Variants in TFEB observed in about 807,000 individuals in gnomAD.
TFEB encodes transcription factor EB, also known as T-cell transcription factor EB.
TFEB carries 12 observed loss-of-function variants against 48.0 expected under a neutral mutation model. The ratio of observed to expected loss-of-function variants is 0.25; its 90% CI spans 0.16 to 0.40. The LOEUF (loss-of-function observed/expected upper bound fraction) is 0.40, where lower values mean the gene tolerates loss of function less well. Among genes scored for constraint, TFEB ranks in the 10% least tolerant of loss-of-function variants. The pLI, the probability that TFEB is intolerant of heterozygous loss-of-function variation, is 1.00. For synonymous variants in TFEB, 244 were observed against 261.4 expected (o/e 0.93, Z 0.64); for missense variants, 509 against 640.3 (o/e 0.79, Z 2.21).
Position 41,691,975 on chromosome 6 carries a change from G to A in TFEB, c.-22-740C>T, listed in dbSNP as rs1353779427. On this transcript the variant is annotated intron_variant, in intron 1 of 8. Transcript: ENST00000373033. This position sits in a 1 kb window ranked among gnomAD's most constrained non-coding sequence, Gnocchi z 5.2. ...GACCTTTGCACTTGCTGTTCCCTCTGCCTGGAATGCTCTCCCCCCAGATGA... is the reference window on the plus strand; with the variant it reads ...GACCTTTGCACTTGCTGTTCCCTCTACCTGGAATGCTCTCCCCCCAGATGA... 1.3e-5 allele frequency among the ~76,000 whole-genome samples: 2 copies of A among 151,938 alleles called. No individual in the cohort carries two copies. Among genetic ancestry groups the A allele is most frequent in the Non-Finnish European group, 2.9e-5 (2 of 67,984 alleles).
At position 41,724,154 on chromosome 6, in the gene TFEB, G is replaced by A. The variant is rs1409502329; in HGVS notation, c.-23+11196C>T. Among the ~76,000 whole-genome samples, 1 of 152,194 alleles carries A rather than the reference G, an allele frequency of 6.6e-6. No homozygotes were observed. Among genetic ancestry groups the A allele is most frequent in the African/African-American group, 2.4e-5 (1 of 41,448 alleles). On this transcript the variant is annotated intron_variant, in intron 1 of 8. Coordinates refer to ENST00000373033, the MANE Select transcript of TFEB (RefSeq NM_001271944.2). This position sits in a 1 kb window ranked among gnomAD's most constrained non-coding sequence, Gnocchi z 4.4. ...CACACTTTTCACTTGTGCAGAAACTGTTCTTGATACACATGCAAGTTCAGT... is the reference window on the plus strand; with the variant it reads ...CACACTTTTCACTTGTGCAGAAACTATTCTTGATACACATGCAAGTTCAGT...
intron 1 of TFEB, among the ~76,000 whole-genome samples, chr6:41,708,388 A>C (rs1303579432): frequency 6.6e-6 from 1 of 152,196 alleles, no homozygotes; most frequent in East Asian, 1.9e-4. Context: ...CACGATGTCA[A>C]AAGTGCCCAC....
At position 41,691,518 on chromosome 6, in the gene TFEB, C is replaced by G. The variant is rs1769318344; in HGVS notation, c.-22-283G>C. The G allele has an allele frequency of 3.2e-6, 2 of 630,276 alleles. No individual in the cohort carries two copies. The highest frequency in any genetic ancestry group is 5.9e-6 in the Non-Finnish European group (2 of 337,260). 39.0% of individuals were successfully genotyped at this position (630,276 alleles called of 1,614,324 possible). On this transcript the variant is annotated intron_variant, in intron 1 of 8. Coordinates refer to ENST00000373033, the MANE Select transcript of TFEB (RefSeq NM_001271944.2). This position sits in a 1 kb window ranked among gnomAD's most constrained non-coding sequence, Gnocchi z 5.2. ...TCTAAGAGTCAACTTCCACTCCTCT[C>G]TGTGTCACGCCCACATCCTGATCCT...
chr6:41,684,540 C>T lies in TFEB; in HGVS notation c.*59G>A. The T allele has an allele frequency of 6.7e-7, 1 of 1,498,166 alleles. No individual in the cohort carries two copies. Among genetic ancestry groups the T allele is most frequent in the East Asian group, 2.4e-5 (1 of 42,412 alleles). The allele number at this position is 1,498,166 out of a possible 1,614,324, so 92.8% of individuals were successfully genotyped here. A position where few individuals can be genotyped will look rare whatever the true frequency, so the allele number is the denominator to read the frequency against. ...CAGCCTGAAGGGTGGGAGGGAGGTG[C>T]CCCTGGCCCTCCCAGCCCCCAGGCC... On this transcript the variant is annotated 3_prime_UTR_variant, in exon 9 of 9. Coordinates refer to ENST00000373033, the MANE Select transcript of TFEB (RefSeq NM_001271944.2).
intron 1 of TFEB, among the ~76,000 whole-genome samples, chr6:41,729,124 G>A (rs1198285523): frequency 6.6e-6 from 1 of 151,920 alleles, no homozygotes; most frequent in Non-Finnish European, 1.5e-5. Flanking sequence ...CAGCAGGGCT[G>A]TGGGACCTGC....
At position 41,723,657 on chromosome 6, in the gene TFEB, C is replaced by T. The variant is rs544446883; in HGVS notation, c.-23+11693G>A. On this transcript the variant is annotated intron_variant, in intron 1 of 8. Transcript: ENST00000373033. This position sits in a 1 kb window ranked among gnomAD's most constrained non-coding sequence, Gnocchi z 6.0. Reference sequence around the variant, plus strand: ...ATCCCCTGGGAGCTGCAAATGCGGCCGAGGATTACTCACAGCACAGAGGGA... The same window carrying T: ...ATCCCCTGGGAGCTGCAAATGCGGCTGAGGATTACTCACAGCACAGAGGGA... 8.3e-6 allele frequency: 6 copies of T among 722,850 alleles called. No individual in the cohort carries two copies. Among genetic ancestry groups the T allele is most frequent in the Non-Finnish European group, 1.2e-5 (6 of 508,528 alleles). The allele number at this position is 722,850 out of a possible 1,614,324, so 44.8% of individuals were successfully genotyped here.
intron 1 of TFEB, among the ~76,000 whole-genome samples, chr6:41,697,552 C>G (rs1415289872): frequency 7.3e-6 from 1 of 136,568 alleles, no homozygotes; most frequent in Non-Finnish European, 1.5e-5. Context: ...GCCTTTGGTA[C>G]CAGGCACCTT....
chr6:41,690,513 T>C (rs1769245152), intron 3 of TFEB, 150 bp downstream of exon 3: 4 of 912,530 alleles, frequency 4.4e-6, no homozygotes, highest in Non-Finnish European at 5.9e-6. Flanking sequence ...CCCCTGAGAT[T>C]GGGGCTCCCT....
At chr6:41,698,273 G>A (rs989812275) in intron 1 of TFEB, among the ~76,000 whole-genome samples, 3 of 152,188 alleles carry the variant, frequency 2.0e-5, no homozygotes, top group Admixed American at 6.5e-5. Flanking sequence ...TGGCTGCACC[G>A]CCCCAACCCT....
Position 41,734,926 on chromosome 6 carries a change from G to A in TFEB, c.-23+424C>T. On this transcript the variant is annotated intron_variant, in intron 1 of 8. Coordinates refer to ENST00000373033, the MANE Select transcript of TFEB (RefSeq NM_001271944.2). This position sits in a 1 kb window ranked among gnomAD's most constrained non-coding sequence, Gnocchi z 4.0. ...TCCGACCCCCTCTCAGGCATCGCCGGCCCCAGCCGTGTCCGGTGGAGGGGG... is the reference window on the plus strand; with the variant it reads ...TCCGACCCCCTCTCAGGCATCGCCGACCCCAGCCGTGTCCGGTGGAGGGGG... The A allele has an allele frequency of 5.1e-6, 5 of 985,382 alleles. No individual in the cohort carries two copies. In the African/African-American group the frequency reaches 7.0e-5, roughly 14 times the overall value. 61.0% of individuals were successfully genotyped at this position (985,382 alleles called of 1,614,324 possible).
chr6:41,719,669 C>A (rs948956803), intron 1 of TFEB, among the ~76,000 whole-genome samples: 2 of 152,186 alleles, frequency 1.3e-5, no homozygotes, highest in African/African-American at 4.8e-5. Context: ...GTACTATGTA[C>A]TTCTCAGTCT....
intron 1 of TFEB, among the ~76,000 whole-genome samples, chr6:41,727,445 C>T (rs368719448): frequency 1.3e-5 from 2 of 152,164 alleles, no homozygotes; most frequent in Non-Finnish European, 2.9e-5. Flanking sequence ...AATCTTAACA[C>T]TTTGGGAGGC....
chr6:41,685,595 G>A (rs1768957135), intron 8 of TFEB, among the ~76,000 whole-genome samples: 1 of 152,222 alleles, frequency 6.6e-6, no homozygotes, highest in African/African-American at 2.4e-5. Context: ...AGTTCCAGCT[G>A]GTAGGGCTGA....
In TFEB at chr6:41,716,536, G is replaced by C. The variant is rs1047725385; in HGVS notation, c.-23+18814C>G. Among the ~76,000 whole-genome samples, 10 of 152,306 alleles carry C rather than the reference G, an allele frequency of 6.6e-5. No individual in the cohort carries two copies. In the South Asian group the frequency reaches 2.1e-3, roughly 32 times the overall value. ...ATGAGATCCTGGGAGAGCAATCAAC[G>C]CACAAGCATGAATAGGACACCTACT... On this transcript the variant is annotated intron_variant, in intron 1 of 8. Transcript: ENST00000373033.
intron 1 of TFEB, among the ~76,000 whole-genome samples, chr6:41,707,931 C>A (rs547865529): frequency 3.9e-4 from 59 of 152,322 alleles, no homozygotes; most frequent in African/African-American, 1.3e-3. Flanking sequence ...GTCAGAAAAA[C>A]CACTACAATC....
intron 1 of TFEB, among the ~76,000 whole-genome samples, chr6:41,702,044 C>A (rs1769958922): frequency 6.6e-6 from 1 of 152,010 alleles, no homozygotes; most frequent in East Asian, 1.9e-4. Context: ...AGGTATGTGA[C>A]CACCAGCAGC....
At chr6:41,694,094 G>T (rs558385667) in intron 1 of TFEB, among the ~76,000 whole-genome samples, 1 of 152,320 alleles carries the variant, frequency 6.6e-6, no homozygotes, top group South Asian at 2.1e-4. Flanking sequence ...GGGAGGGCTA[G>T]GGGAGAATGA....
chr6:41,727,238 A>T (rs1361520421), intron 1 of TFEB, among the ~76,000 whole-genome samples: 1 of 152,206 alleles, frequency 6.6e-6, no homozygotes, highest in East Asian at 1.9e-4. Flanking sequence ...GGCCCTGGTC[A>T]TCCTTTGAAC....
In TFEB at chr6:41,691,600, T is replaced by C; in HGVS notation, c.-22-365A>G. 2 of 440,618 alleles carry C rather than the reference T, an allele frequency of 4.5e-6. No homozygotes were observed. The highest frequency in any genetic ancestry group is 2.1e-5 in the South Asian group (1 of 48,626). 27.3% of individuals were successfully genotyped at this position (440,618 alleles called of 1,614,324 possible). A position where few individuals can be genotyped will look rare whatever the true frequency, so the allele number is the denominator to read the frequency against. On this transcript the variant is annotated intron_variant, in intron 1 of 8. Coordinates refer to ENST00000373033, the MANE Select transcript of TFEB (RefSeq NM_001271944.2). The surrounding 1 kb of genome is among the most constrained non-coding windows in gnomAD (Gnocchi z 5.2). Reference sequence around the variant, plus strand: ...GCTGCCACAAGGTGGGCCCAGCCTATCCTGGGTCTTACCTGGAATCCCGCA... The same window carrying C: ...GCTGCCACAAGGTGGGCCCAGCCTACCCTGGGTCTTACCTGGAATCCCGCA...
Sources: gnomAD v4.1 joint callset for allele counts (sites outside exome capture counted in the v4.1 genomes callset) on GRCh38, gnomAD v4.1.1 for gene constraint, Gnocchi (gnomAD v3.1) non-coding constraint, MANE v1.5 for transcripts, NCBI Gene and HGNC (gene_info 2026-07-23, HGNC 2026-07-21) for gene names.